PTK2: variants seen among roughly 807,000 people sequenced by gnomAD.
PTK2 encodes the protein focal adhesion kinase 1.
Under a neutral mutation model 150.1 loss-of-function variants are expected in PTK2, and 45 were observed. The observed-to-expected ratio is 0.30, with a 90% CI of 0.24 to 0.38. PTK2 has a LOEUF of 0.38. Ranked by LOEUF, PTK2 falls within the 10% of genes least tolerant of loss-of-function variation. The pLI is 1.00. For missense variants in PTK2, 919 were observed against 1,307.3 expected (o/e 0.70, Z 4.58); for synonymous variants, 432 against 449.2 (o/e 0.96, Z 0.48).
intron 14 of PTK2, among the ~76,000 whole-genome samples, chr8:140,767,616 G>A (rs943522689): frequency 1.4e-4 from 22 of 152,030 alleles, no homozygotes; most frequent in African/African-American, 5.1e-4. Flanking sequence ...CTCCCAAATA[G>A]CTGGAACTAC....
At chr8:140,877,004 T>C (rs1004777426) in intron 4 of PTK2, among the ~76,000 whole-genome samples, 4 of 151,016 alleles carry the variant, frequency 2.6e-5, no homozygotes, top group Admixed American at 2.6e-4. Flanking sequence ...CTACCTACTA[T>C]GCATGTAACT....
intron 23 of PTK2, among the ~76,000 whole-genome samples, chr8:140,712,947 G>C (rs900367434): frequency 1.9e-4 from 29 of 152,278 alleles, no homozygotes; most frequent in African/African-American, 7.0e-4. Flanking sequence ...ATGTCTGCCA[G>C]CTGTTCTTTC....
At chr8:140,846,532 T>G (rs752414139) in intron 6 of PTK2, 67 bp downstream of exon 6, 2 of 1,335,290 alleles carry the variant, frequency 1.5e-6, no homozygotes, top group Non-Finnish European at 2.1e-6. Context: ...GGAAAATACC[T>G]GGAAAATATT....
At chr8:140,982,965 C>T (rs748423004) in intron 1 of PTK2, among the ~76,000 whole-genome samples, 5 of 152,118 alleles carry the variant, frequency 3.3e-5, no homozygotes, top group South Asian at 2.1e-4. Context: ...TTATTAAATA[C>T]GCATTTAACA....
intron 8 of PTK2, among the ~76,000 whole-genome samples, chr8:140,825,174 G>C (rs754458047): frequency 1.3e-5 from 2 of 152,140 alleles, no homozygotes; most frequent in Admixed American, 6.5e-5. Context: ...CGCGTGAAGA[G>C]AGCCTCTTCT....
intron 1 of PTK2, among the ~76,000 whole-genome samples, chr8:140,997,718 C>T (rs940120899): frequency 1.1e-4 from 16 of 152,224 alleles, no homozygotes; most frequent in African/African-American, 3.4e-4. Flanking sequence ...GTGGGAGGAT[C>T]ACTTGAGCCC....
At chr8:140,721,890 A>C (rs887128724) in intron 22 of PTK2, 3 of 152,238 alleles carry the variant, frequency 2.0e-5, no homozygotes, top group African/African-American at 7.2e-5. Flanking sequence ...CAAAGAAACT[A>C]GTGCCTAACT....
At chr8:140,961,685 A>G (rs1046374018) in intron 1 of PTK2, among the ~76,000 whole-genome samples, 20 of 152,138 alleles carry the variant, frequency 1.3e-4, no homozygotes, top group African/African-American at 4.3e-4. Flanking sequence ...AAAAAAAAAA[A>G]AAGATTTGGT....
chr8:140,697,361 A>G (rs1315871791), intron 26 of PTK2, among the ~76,000 whole-genome samples: 1 of 151,610 alleles, frequency 6.6e-6, no homozygotes, highest in African/African-American at 2.4e-5. Flanking sequence ...CCATTTCCCC[A>G]CAAACATGCT....
intron 1 of PTK2, among the ~76,000 whole-genome samples, chr8:140,967,247 T>C (rs879220964): frequency 2.5e-4 from 38 of 152,318 alleles, no homozygotes; most frequent in African/African-American, 8.7e-4. Flanking sequence ...CCACGTAATA[T>C]TGTTAAAACA....
At chr8:140,994,725 G>A (rs1357333414) in intron 1 of PTK2, among the ~76,000 whole-genome samples, 9 of 152,142 alleles carry the variant, frequency 5.9e-5, no homozygotes, top group Admixed American at 2.0e-4. Context: ...CTATAAACAT[G>A]TGCATTCCCA....
At position 140,738,902 on chromosome 8, in the gene PTK2, G is replaced by C. The variant is rs2100054083; in HGVS notation, c.1825+116C>G. 2.1e-5 allele frequency: 11 copies of C among 535,870 alleles called. No individual in the cohort carries two copies. In the East Asian group the frequency reaches 3.7e-4, roughly 18 times the overall value. 33.2% of individuals were successfully genotyped at this position (535,870 alleles called of 1,614,324 possible). A position where few individuals can be genotyped will look rare whatever the true frequency, so the allele number is the denominator to read the frequency against. Reference sequence around the variant, plus strand: ...TGAATCAAAAGAAGTCTGATGAGGAGATGATCAGGTTAGGGAAGGCAAATC... The same window carrying C: ...TGAATCAAAAGAAGTCTGATGAGGACATGATCAGGTTAGGGAAGGCAAATC... On this transcript the variant is annotated intron_variant, in intron 21 of 31. Transcript: ENST00000522684.
In PTK2 at chr8:140,909,450, T is replaced by C. The variant is rs534981825; in HGVS notation, c.-33+16211A>G. On this transcript the variant is annotated intron_variant, in intron 2 of 31. Transcript: ENST00000522684. Reference sequence around the variant, plus strand: ...GCAAGCCCAATCTAATATTTGAGCCTACAACTGGAGAAGGTTAGAAATTTT... The same window carrying C: ...GCAAGCCCAATCTAATATTTGAGCCCACAACTGGAGAAGGTTAGAAATTTT... 1.3e-3 allele frequency: 200 copies of C among 152,320 alleles called. 1 individual carries two copies. Among genetic ancestry groups the C allele is most frequent in the African/African-American group, 4.7e-3 (196 of 41,560 alleles). 9.4% of individuals were successfully genotyped at this position (152,320 alleles called of 1,614,324 possible).
intron 8 of PTK2, chr8:140,820,874 C>T (rs1158909954): frequency 6.6e-6 from 1 of 152,230 alleles, no homozygotes; most frequent in Non-Finnish European, 1.5e-5. Flanking sequence ...GGGTCAGGGA[C>T]ATGGGGAGCA....
chr8:140,839,246 G>A (rs1264105422), intron 7 of PTK2, among the ~76,000 whole-genome samples: 2 of 152,090 alleles, frequency 1.3e-5, no homozygotes, highest in African/African-American at 2.4e-5. Context: ...TGGGCACTGA[G>A]GTTGGACCTG....
At chr8:140,757,366 A>G (rs1360750228) in intron 16 of PTK2, among the ~76,000 whole-genome samples, 1 of 152,200 alleles carries the variant, frequency 6.6e-6, no homozygotes, top group East Asian at 1.9e-4. Flanking sequence ...TGTGGAATAT[A>G]GACAATACAC....
At chr8:140,908,039 G>C (rs897038995) in intron 2 of PTK2, among the ~76,000 whole-genome samples, 1 of 152,196 alleles carries the variant, frequency 6.6e-6, no homozygotes, top group African/African-American at 2.4e-5. Context: ...GCTGAAACAA[G>C]CCAAAAGCTA....
intron 5 of PTK2, among the ~76,000 whole-genome samples, chr8:140,863,454 C>T (rs1345696010): frequency 3.9e-5 from 6 of 152,146 alleles, no homozygotes; most frequent in Non-Finnish European, 5.9e-5. Flanking sequence ...AACCTAAACC[C>T]CTGTTTACAT....
At chr8:140,743,477 A>G (rs2100056892) in intron 19 of PTK2, 147 bp from the exon 23 acceptor site, 1 of 496,992 alleles carries the variant, frequency 2.0e-6, no homozygotes, top group Admixed American at 3.3e-5. Context: ...TAGGATATAT[A>G]TAATAAATCT....
Sources: gnomAD v4.1 joint callset for allele counts (sites outside exome capture counted in the v4.1 genomes callset) on GRCh38, gnomAD v4.1.1 for gene constraint, MANE v1.5 for transcripts, NCBI Gene and HGNC (gene_info 2026-07-23, HGNC 2026-07-21) for gene names.